The following MFN1 variants were observed in gnomAD, a reference collection of about 807,000 sequenced individuals.
The protein encoded by MFN1 is mitofusin-1.
A neutral mutation model predicts 92.4 loss-of-function variants in MFN1; 65 were observed. That is an observed-to-expected ratio of 0.70 (90% CI 0.58 to 0.86). The LOEUF (loss-of-function observed/expected upper bound fraction) is 0.86, where lower values mean the gene tolerates loss of function less well. MFN1 is among the 40% of genes least tolerant of loss of function. The pLI is 0.00. For missense variants in MFN1, 781 were observed against 868.0 expected, an observed-to-expected ratio of 0.90 and a Z score of 1.26; for synonymous variants, 297 against 300.9, an observed-to-expected ratio of 0.99 and a Z score of 0.13.
At chr3:179,380,621 T>C (rs952112417) in intron 14 of MFN1, among the ~76,000 whole-genome samples, 1 of 152,204 alleles carries the variant, frequency 6.6e-6, no homozygotes, top group Non-Finnish European at 1.5e-5. Context: ...GAAATTCTTA[T>C]TAAAAAAAGT....
At chr3:179,379,647 C>A (rs1713392274) in intron 14 of MFN1, among the ~76,000 whole-genome samples, 1 of 152,214 alleles carries the variant, frequency 6.6e-6, no homozygotes, top group African/African-American at 2.4e-5. Flanking sequence ...AGCCACAGCA[C>A]CCAGGCTGTT....
chr3:179,391,015 A>G (rs1455244217), intron 17 of MFN1, among the ~76,000 whole-genome samples: 2 of 152,316 alleles, frequency 1.3e-5, no homozygotes, highest in African/African-American at 4.8e-5. Context: ...TATCACTTAG[A>G]TATTTCCAAC....
At chr3:179,356,823 A>G (rs967174364) in intron 3 of MFN1, among the ~76,000 whole-genome samples, 14 of 152,196 alleles carry the variant, frequency 9.2e-5, no homozygotes, top group African/African-American at 2.9e-4. Flanking sequence ...AACTGTAACT[A>G]TAGGAGGTCC....
chr3:179,366,582 T>C (rs1439770508), intron 7 of MFN1, among the ~76,000 whole-genome samples: 1 of 152,172 alleles, frequency 6.6e-6, no homozygotes, highest in Non-Finnish European at 1.5e-5. Flanking sequence ...ATGATAAAAT[T>C]ATTTGCTTTC....
chr3:179,362,192 T>C (rs767868690), intron 4 of MFN1, among the ~76,000 whole-genome samples, 166 bp from the exon 5 acceptor site: 1 of 152,220 alleles, frequency 6.6e-6, no homozygotes, highest in Non-Finnish European at 1.5e-5. Flanking sequence ...TTTTTTCTAC[T>C]TGGAAATTTA....
At chr3:179,365,003 T>C in intron 6 of MFN1, 115 bp from the exon 7 acceptor site, 1 of 518,842 alleles carries the variant, frequency 1.9e-6, no homozygotes, top group Non-Finnish European at 3.3e-6. Context: ...TTTGGGATCC[T>C]TTGTCAGTGG....
At chr3:179,390,944 C>T (rs574497489) in intron 17 of MFN1, among the ~76,000 whole-genome samples, 30 of 152,272 alleles carry the variant, frequency 2.0e-4, no homozygotes, top group African/African-American at 7.2e-4. Flanking sequence ...GTGTCTTCAT[C>T]TGACCAACAA....
intron 3 of MFN1, among the ~76,000 whole-genome samples, chr3:179,355,043 C>T (rs1167462947): frequency 6.6e-6 from 1 of 152,128 alleles, no homozygotes; most frequent in Non-Finnish European, 1.5e-5. Flanking sequence ...GCCATCCACC[C>T]ACCTCGGCCT....
intron 16 of MFN1, among the ~76,000 whole-genome samples, chr3:179,388,777 C>A (rs928912194): frequency 6.6e-6 from 1 of 152,024 alleles, no homozygotes; most frequent in Non-Finnish European, 1.5e-5. Flanking sequence ...CAGATGGAGA[C>A]AACAACCCAA....
intron 14 of MFN1, among the ~76,000 whole-genome samples, chr3:179,383,978 C>G (rs1264333588): frequency 1.3e-5 from 2 of 152,128 alleles, no homozygotes; most frequent in African/African-American, 2.4e-5. Context: ...CATTTGTAGT[C>G]AATTATGATT....
At chr3:179,351,769 T>C (rs1712155655) in intron 2 of MFN1, 131 bp from the exon 3 acceptor site, 1 of 795,440 alleles carries the variant, frequency 1.3e-6, no homozygotes. Context: ...ATGCACCTTT[T>C]ACCAAACATT....
Position 179,394,272 on chromosome 3 carries a change from GCA to G in MFN1, c.*2216_*2217del, listed in dbSNP as rs1271024621. The stretch of plus-strand genomic sequence containing the variant: ...AACAAGCCATCCAGGTGTTTCTGAT[GCA>G]CAGTGAAATTGGGGTACCACTGGTA... On this transcript the variant is annotated 3_prime_UTR_variant, in exon 18 of 18. Transcript: ENST00000471841. 6.6e-6 allele frequency: 1 copy of G among 152,192 alleles called. No homozygotes were observed. Among genetic ancestry groups the G allele is most frequent in the African/African-American group, 2.4e-5 (1 of 41,428 alleles). 9.4% of individuals were successfully genotyped at this position (152,192 alleles called of 1,614,324 possible).
chr3:179,354,018 T>C (rs1282884152), intron 3 of MFN1, among the ~76,000 whole-genome samples: 4 of 152,264 alleles, frequency 2.6e-5, no homozygotes, highest in African/African-American at 9.6e-5. Flanking sequence ...CACAAAGCTC[T>C]TATTTTATGT....
chr3:179,367,269 G>T (rs1380602433), intron 7 of MFN1, among the ~76,000 whole-genome samples, 170 bp from the exon 8 acceptor site: 3 of 152,158 alleles, frequency 2.0e-5, no homozygotes, highest in African/African-American at 7.2e-5. Context: ...TTAAGAGAAA[G>T]ATTTCCTGTC....
chr3:179,348,333 C>T (rs995399004), intron 1 of MFN1, among the ~76,000 whole-genome samples: 1 of 152,186 alleles, frequency 6.6e-6, no homozygotes, highest in East Asian at 1.9e-4. Context: ...AACTTATAGT[C>T]CTTGAAGTTT....
intron 3 of MFN1, among the ~76,000 whole-genome samples, chr3:179,356,093 T>C (rs1476162276): frequency 6.6e-6 from 1 of 152,236 alleles, no homozygotes; most frequent in African/African-American, 2.4e-5. Flanking sequence ...GATTGGAGTA[T>C]CTTGTTTTCA....
chr3:179,364,725 CT>C (rs146517482), intron 6 of MFN1, among the ~76,000 whole-genome samples: 310 of 152,288 alleles, frequency 2.0e-3, no homozygotes, highest in Non-Finnish European at 3.7e-3. Context: ...CCACTCCTTC[CT>C]TCTGCCATCT....
chr3:179,362,736 C>T (rs573416438), intron 5 of MFN1, among the ~76,000 whole-genome samples: 5 of 152,230 alleles, frequency 3.3e-5, no homozygotes, highest in East Asian at 1.9e-4. Context: ...CGCAGTGCCA[C>T]GATCTTGGCT....
Position 179,390,109 on chromosome 3 carries a change from G to A in MFN1, c.2118G>A (p.Glu706=). 1 of 1,599,956 alleles carries A rather than the reference G, an allele frequency of 6.3e-7. No individual in the cohort carries two copies. Residue 706 remains glutamate (E), a synonymous_variant, in exon 17 of 18, where the codon GAG becomes GAA. Transcript: ENST00000471841. ...ARLPKEIDQL[E]KIQNNSKLLR... is the part of the protein sequence containing the mutation. The stretch of plus-strand genomic sequence containing the variant: ...TACCCAAAGAAATAGATCAGTTGGA[G>A]AAAATACAAAACAATTCAAAGCTCT...
Sources: allele counts gnomAD v4.1 joint callset (sites outside exome capture counted in the v4.1 genomes callset), GRCh38; gene constraint gnomAD v4.1.1; transcripts MANE v1.5; gene names NCBI Gene and HGNC (gene_info 2026-07-23, HGNC 2026-07-21).